The following WDPCP variants were observed in gnomAD, a reference collection of about 807,000 sequenced individuals.
The protein encoded by WDPCP is WD repeat-containing and planar cell polarity effector protein fritz homolog.
WDPCP carries 71 observed loss-of-function variants against 93.1 expected under a neutral mutation model. The observed-to-expected ratio is 0.76, with a 90% CI of 0.63 to 0.93. WDPCP has a LOEUF of 0.93. WDPCP is among the 40% of genes least tolerant of loss of function. The probability of loss-of-function intolerance (pLI) is 0.00; values close to 1 mark genes in which losing one functional copy is unlikely to be tolerated. For missense variants in WDPCP, 844 were observed against 887.4 expected (o/e 0.95, Z 0.62); for synonymous variants, 315 against 315.0 (o/e 1.00, Z 0.00).
chr2:63,221,005 C>A (rs1677778765), intron 14 of WDPCP, among the ~76,000 whole-genome samples: 1 of 152,150 alleles, frequency 6.6e-6, no homozygotes, highest in African/African-American at 2.4e-5. Flanking sequence ...GCTTTCAGCT[C>A]CATCCCTGTC....
At chr2:63,246,119 A>G (rs1230461731) in intron 14 of WDPCP, among the ~76,000 whole-genome samples, 1 of 152,142 alleles carries the variant, frequency 6.6e-6, no homozygotes, top group Non-Finnish European at 1.5e-5. Flanking sequence ...AAGGATACCA[A>G]TGACAGAAGA....
intron 1 of WDPCP, among the ~76,000 whole-genome samples, chr2:63,558,524 T>G (rs1452074121): frequency 4.4e-5 from 3 of 68,810 alleles, no homozygotes; most frequent in African/African-American, 2.0e-4. Flanking sequence ...TGAGACTCTG[T>G]CTCAAAAAAA....
At chr2:63,202,091 G>T (rs1675956823) in intron 14 of WDPCP, among the ~76,000 whole-genome samples, 1 of 150,246 alleles carries the variant, frequency 6.7e-6, no homozygotes. Context: ...AAGATTTTCT[G>T]ATTTTCTTAA....
In WDPCP at chr2:63,150,321, C is replaced by G. The variant is rs367831790; in HGVS notation, c.2190+2593G>C. ...GATGACTTTTTACTATCTTCCTCCC[C>G]CCAGGAGACATTTGGCAATGTCTGG... On this transcript the variant is annotated intron_variant, in intron 17 of 17. Transcript: ENST00000272321. Among the ~76,000 whole-genome samples the G allele has an allele frequency of 3.3e-5, 5 of 152,198 alleles. No individual in the cohort carries two copies. The East Asian group carries it at 5.8e-4, about 18-fold the overall frequency.
intron 14 of WDPCP, among the ~76,000 whole-genome samples, chr2:63,237,193 A>G (rs1679476763): frequency 6.6e-6 from 1 of 152,196 alleles, no homozygotes; most frequent in African/African-American, 2.4e-5. Context: ...GACACTACTC[A>G]AAAGAAGACA....
intron 17 of WDPCP, among the ~76,000 whole-genome samples, chr2:63,124,736 T>C (rs556321742): frequency 6.6e-6 from 1 of 152,382 alleles, no homozygotes; most frequent in East Asian, 1.9e-4. Context: ...GGAAGAAATC[T>C]TAAAACTCCC....
intron 14 of WDPCP, among the ~76,000 whole-genome samples, chr2:63,208,906 G>A (rs1676539743): frequency 1.3e-5 from 2 of 152,160 alleles, no homozygotes; most frequent in Non-Finnish European, 2.9e-5. Context: ...TGGAACACCT[G>A]CATTATTATT....
intron 14 of WDPCP, among the ~76,000 whole-genome samples, chr2:63,205,292 G>A (rs1229556587): frequency 6.6e-6 from 1 of 152,004 alleles, no homozygotes; most frequent in Non-Finnish European, 1.5e-5. Flanking sequence ...TTTTGCTTAG[G>A]ATTGCTTTGG....
intron 14 of WDPCP, among the ~76,000 whole-genome samples, chr2:63,209,650 G>T (rs1299877209): frequency 6.6e-6 from 1 of 152,182 alleles, no homozygotes; most frequent in Non-Finnish European, 1.5e-5. Flanking sequence ...TATTGTAGTT[G>T]CTCTTTCTGT....
At chr2:63,160,814 T>G (rs1672595418) in intron 15 of WDPCP, among the ~76,000 whole-genome samples, 1 of 152,210 alleles carries the variant, frequency 6.6e-6, no homozygotes, top group South Asian at 2.1e-4. Context: ...TGGGGAAGTT[T>G]ATAATGGAGA....
chr2:63,145,729 T>C (rs1671451502), intron 17 of WDPCP, among the ~76,000 whole-genome samples: 1 of 152,172 alleles, frequency 6.6e-6, no homozygotes, highest in African/African-American at 2.4e-5. Flanking sequence ...GTAGTTTTTA[T>C]CTAGTTCTGT....
chr2:63,681,059 G>T (rs1006084160), intron 2 of WDPCP, among the ~76,000 whole-genome samples: 2 of 152,054 alleles, frequency 1.3e-5, no homozygotes, highest in African/African-American at 4.8e-5. Flanking sequence ...GTACAGCATG[G>T]GCCTTGGGTG....
At chr2:63,594,534 C>T (rs1424902994) in intron 3 of WDPCP, 2 of 1,613,836 alleles carry the variant, frequency 1.2e-6, no homozygotes, top group South Asian at 2.2e-5. Context: ...GGTCAAATTG[C>T]ATATTCACTG....
intron 2 of WDPCP, among the ~76,000 whole-genome samples, chr2:63,736,654 A>G (rs1669643647): frequency 6.6e-6 from 1 of 152,200 alleles, no homozygotes; most frequent in Non-Finnish European, 1.5e-5. Context: ...AGGAGTGGCT[A>G]TCTCCAAAGT....
chr2:63,610,048 G>A (rs1031919706), intron 3 of WDPCP, among the ~76,000 whole-genome samples: 1 of 151,954 alleles, frequency 6.6e-6, no homozygotes, highest in African/African-American at 2.4e-5. Flanking sequence ...TTTTTTTAAT[G>A]CTCTTCACTT....
intron 2 of WDPCP, among the ~76,000 whole-genome samples, chr2:63,726,796 C>A (rs1669502297): frequency 1.3e-5 from 2 of 151,892 alleles, no homozygotes; most frequent in Admixed American, 1.3e-4. Context: ...CATTTTATTC[C>A]TTTTGTGTGG....
At chr2:63,425,241 C>T (rs1346300874) in intron 9 of WDPCP, among the ~76,000 whole-genome samples, 2 of 152,200 alleles carry the variant, frequency 1.3e-5, no homozygotes, top group African/African-American at 2.4e-5. Context: ...CATTCAACGA[C>T]AGCAAATCCA....
At chr2:63,395,805 G>A (rs1693678903) in intron 10 of WDPCP, among the ~76,000 whole-genome samples, 2 of 152,042 alleles carry the variant, frequency 1.3e-5, no homozygotes, top group South Asian at 2.1e-4. Flanking sequence ...TCGGCTCACT[G>A]CATCCTCCGC....
intron 2 of WDPCP, among the ~76,000 whole-genome samples, chr2:63,810,455 C>T (rs995660987): frequency 3.9e-5 from 6 of 152,246 alleles, no homozygotes; most frequent in African/African-American, 9.6e-5. Flanking sequence ...GGAAAAGCTT[C>T]CTAGAGGAAA....
Sources: gnomAD v4.1 joint callset for allele counts (sites outside exome capture counted in the v4.1 genomes callset) on GRCh38, gnomAD v4.1.1 for gene constraint, MANE v1.5 for transcripts, NCBI Gene and HGNC (gene_info 2026-07-23, HGNC 2026-07-21) for gene names.